The following SORL1 variants were observed in gnomAD, a reference collection of about 807,000 sequenced individuals.
SORL1 encodes the protein sortilin-related receptor.
Under a neutral mutation model 273.7 loss-of-function variants are expected in SORL1, and 127 were observed. That is an observed-to-expected ratio of 0.46 (90% CI 0.40 to 0.54). The LOEUF is 0.54. SORL1 is among the 20% of genes least tolerant of loss of function. The pLI is 0.00. For missense variants in SORL1, 2,494 were observed against 2,846.1 expected, an observed-to-expected ratio of 0.88 and a Z score of 2.81; for synonymous variants, 1,031 against 1,067.4, an observed-to-expected ratio of 0.97 and a Z score of 0.66.
intron 25 of SORL1, among the ~76,000 whole-genome samples, chr11:121,578,862 C>T (rs1047601281): frequency 1.3e-5 from 2 of 152,214 alleles, no homozygotes; most frequent in African/African-American, 4.8e-5. Context: ...GAAAATGCTT[C>T]TCTCTGTATA....
At chr11:121,538,208 T>C (rs1316002637) in intron 12 of SORL1, among the ~76,000 whole-genome samples, 1 of 150,262 alleles carries the variant, frequency 6.7e-6, no homozygotes, top group Non-Finnish European at 1.5e-5. Context: ...AGAGGAGGTA[T>C]CATTTGCATA....
chr11:121,587,954 C>G (rs973548035), intron 27 of SORL1, 66 bp from the exon 28 acceptor site: 1 of 1,594,436 alleles, frequency 6.3e-7, no homozygotes, highest in Non-Finnish European at 8.6e-7. Context: ...GTGCACTTGC[C>G]CAGGGCTAGA....
chr11:121,555,395 G>A (rs759613184), intron 18 of SORL1, 77 bp downstream of exon 18: 18 of 1,557,070 alleles, frequency 1.2e-5, no homozygotes, highest in Non-Finnish European at 1.4e-5. Flanking sequence ...TTGACACAGA[G>A]GCAAGGGCCA....
chr11:121,529,405 C>T (rs186041900), intron 11 of SORL1, among the ~76,000 whole-genome samples: 261 of 152,116 alleles, frequency 1.7e-3, no homozygotes, highest in Non-Finnish European at 1.9e-3. Context: ...CTAATAGAGA[C>T]GGGGTTTCGC....
chr11:121,502,226 C>T (rs1222356179), intron 6 of SORL1, among the ~76,000 whole-genome samples: 2 of 144,580 alleles, frequency 1.4e-5, no homozygotes, highest in African/African-American at 2.6e-5. Flanking sequence ...AGCTCCGCCT[C>T]CTGGGTTCAT....
At chr11:121,486,263 C>G (rs1051447976) in intron 3 of SORL1, among the ~76,000 whole-genome samples, 1 of 152,188 alleles carries the variant, frequency 6.6e-6, no homozygotes, top group Non-Finnish European at 1.5e-5. Context: ...AGGGACCGGC[C>G]TCCGGGTCTT....
rs1006844163 is a variant in SORL1 at position 121,567,889 on chromosome 11, C to CT, written c.3223+785dup. On this transcript the variant is annotated intron_variant, in intron 22 of 47. Transcript: ENST00000260197. ...TTTCCTTATCTGTGATTCTATTTGC[C>CT]TTTTTTTTTATATATATTTTAAAGA... 9.4e-4 allele frequency among the ~76,000 whole-genome samples: 142 copies of CT among 151,450 alleles called. 1 individual carries two copies. The highest frequency in any genetic ancestry group is 6.8e-3 in the Middle Eastern group (2 of 294).
intron 12 of SORL1, among the ~76,000 whole-genome samples, chr11:121,539,730 CAT>C (rs1280674406): frequency 6.6e-6 from 1 of 151,678 alleles, no homozygotes; most frequent in Non-Finnish European, 1.5e-5. Context: ...AGCCAGAAAA[CAT>C]AAAGTATTTT....
chr11:121,567,172 C>T (rs1274421422), intron 22 of SORL1, 59 bp downstream of exon 22: 14 of 1,402,974 alleles, frequency 1.0e-5, no homozygotes, highest in Admixed American at 1.8e-5. Flanking sequence ...TGCTCCCCGC[C>T]AGGGGAGGGA....
chr11:121,568,065 T>C (rs1862779355), intron 22 of SORL1, among the ~76,000 whole-genome samples: 1 of 152,070 alleles, frequency 6.6e-6, no homozygotes, highest in African/African-American at 2.4e-5. Flanking sequence ...GCTAATTTCT[T>C]TTATAGGGAC....
At chr11:121,577,535 C>A in intron 25 of SORL1, 135 bp downstream of exon 25, 1 of 996,222 alleles carries the variant, frequency 1.0e-6, no homozygotes, top group Non-Finnish European at 1.4e-6. Context: ...TCATGCTTCT[C>A]AAAGAGCTGG....
At position 121,596,910 on chromosome 11, in the gene SORL1, T is replaced by A. The variant is rs1035948545; in HGVS notation, c.4519+1138T>A. Among the ~76,000 whole-genome samples, 2 of 152,086 alleles carry A rather than the reference T, an allele frequency of 1.3e-5. No individual in the cohort carries two copies. The highest frequency in any genetic ancestry group is 4.8e-5 in the African/African-American group (2 of 41,416). ...CTTGGAATCCTACCAAGTCTTACCA[T>A]TTAGAGATGGAATAGAATCTGAGGT... On this transcript the variant is annotated intron_variant, in intron 32 of 47. Transcript: ENST00000260197. This position sits in a 1 kb window ranked among gnomAD's most constrained non-coding sequence, Gnocchi z 4.3.
At chr11:121,502,204 C>T (rs1314269890) in intron 6 of SORL1, among the ~76,000 whole-genome samples, 5 of 124,688 alleles carry the variant, frequency 4.0e-5, no homozygotes, top group East Asian at 2.5e-4. Flanking sequence ...GGTGTGATCT[C>T]GGCTCACTGC....
At chr11:121,575,496 A>G (rs2134934781) in intron 24 of SORL1, among the ~76,000 whole-genome samples, 1 of 152,384 alleles carries the variant, frequency 6.6e-6, no homozygotes, top group Admixed American at 6.5e-5. Context: ...GTGCTTACGC[A>G]CATGGACACA....
intron 27 of SORL1, 51 bp from the exon 28 acceptor site, chr11:121,587,969 C>A: frequency 6.2e-7 from 1 of 1,605,566 alleles, no homozygotes; most frequent in Non-Finnish European, 8.5e-7. Flanking sequence ...GCTAGAGGGC[C>A]CAGCCAGCCG....
chr11:121,550,735 C>T lies in SORL1; in HGVS notation c.2266+65C>T, dbSNP rs58391387. 43,772 of 1,313,372 alleles carry T rather than the reference C, an allele frequency of 0.033. 1,011 individuals are homozygous for T. Among genetic ancestry groups the T allele is most frequent in the African/African-American group, 0.098 (6,717 of 68,506 alleles). 81.4% of individuals were successfully genotyped at this position (1,313,372 alleles called of 1,614,324 possible). A position where few individuals can be genotyped will look rare whatever the true frequency, so the allele number is the denominator to read the frequency against. On this transcript the variant is annotated intron_variant, in intron 16 of 47. Coordinates refer to ENST00000260197, the MANE Select transcript of SORL1 (RefSeq NM_003105.6). The surrounding 1 kb of genome is among the most constrained non-coding windows in gnomAD (Gnocchi z 5.3). ...TGGTTGAAGCAGTATCACGATCTCA[C>T]CCAAGTCCGGGCTTGTGGCTCCTTT...
intron 26 of SORL1, 117 bp downstream of exon 26, chr11:121,583,700 C>A: frequency 8.9e-7 from 1 of 1,119,828 alleles, no homozygotes; most frequent in Non-Finnish European, 1.2e-6. Flanking sequence ...TATTTACACT[C>A]TGAAACCAAA....
intron 31 of SORL1, among the ~76,000 whole-genome samples, chr11:121,593,225 G>A (rs190885055): frequency 1.1e-4 from 16 of 152,290 alleles, no homozygotes; most frequent in African/African-American, 3.1e-4. Context: ...TGTACCTTGT[G>A]TTTCTGCAGA....
In SORL1 at chr11:121,632,910, G is replaced by C. The variant is rs1863893881; in HGVS notation, c.*3347G>C. ...ACAGTTGGATGAGTCCCTTAGAGAAGGCATCCAGAGACATAACTAAACTGA... is the reference window on the plus strand; with the variant it reads ...ACAGTTGGATGAGTCCCTTAGAGAACGCATCCAGAGACATAACTAAACTGA... On this transcript the variant is annotated 3_prime_UTR_variant, in exon 48 of 48. Transcript: ENST00000260197. 6.6e-6 allele frequency: 1 copy of C among 152,094 alleles called. No homozygotes were observed. Among genetic ancestry groups the C allele is most frequent in the Non-Finnish European group, 1.5e-5 (1 of 68,028 alleles). The allele number at this position is 152,094 out of a possible 1,614,324, so 9.4% of individuals were successfully genotyped here.
Sources: gnomAD v4.1 joint callset for allele counts (sites outside exome capture counted in the v4.1 genomes callset) on GRCh38, gnomAD v4.1.1 for gene constraint, Gnocchi (gnomAD v3.1) non-coding constraint, MANE v1.5 for transcripts, NCBI Gene and HGNC (gene_info 2026-07-23, HGNC 2026-07-21) for gene names.